ITFG1: variants seen among roughly 807,000 people sequenced by gnomAD.
ITFG1 encodes T-cell immunomodulatory protein.
A neutral mutation model predicts 81.8 loss-of-function variants in ITFG1; 34 were observed. The observed-to-expected ratio is 0.42, with a 90% CI of 0.32 to 0.55. The LOEUF (loss-of-function observed/expected upper bound fraction) is 0.55. ITFG1 is among the 20% of genes least tolerant of loss of function. The pLI is 0.17. For missense variants in ITFG1, 672 were observed against 755.4 expected (o/e 0.89, Z 1.29); for synonymous variants, 285 against 270.6 (o/e 1.05, Z -0.52).
At chr16:47,413,537 G>T (rs75999975) in intron 6 of ITFG1, among the ~76,000 whole-genome samples, 2 of 152,030 alleles carry the variant, frequency 1.3e-5, no homozygotes, top group Non-Finnish European at 2.9e-5. Flanking sequence ...TCTATAAAAC[G>T]TTTAAAAATT....
chr16:47,404,145 G>A, intron 6 of ITFG1, among the ~76,000 whole-genome samples: 1 of 152,056 alleles, frequency 6.6e-6, no homozygotes, highest in East Asian at 1.9e-4. Context: ...AAAGGGTTGG[G>A]GGCTAGTGCT....
rs114465463 is a variant in ITFG1, at chr16:47,302,805, T to A, written c.1070+8435A>T. On this transcript the variant is annotated intron_variant, in intron 10 of 17. Coordinates refer to ENST00000320640, the MANE Select transcript of ITFG1 (RefSeq NM_030790.5). ...GGCCTTTAAAGCAAATCTTTTTATA[T>A]CAAGTCTAATTCTCATGCCACTGTG... Among the ~76,000 whole-genome samples, 394 of 152,312 alleles carry A rather than the reference T, an allele frequency of 2.6e-3. 2 individuals carry two copies. Among genetic ancestry groups the A allele is most frequent in the African/African-American group, 9.2e-3 (382 of 41,572 alleles).
chr16:47,370,107 T>C (rs559053675), intron 7 of ITFG1, among the ~76,000 whole-genome samples: 1 of 152,142 alleles, frequency 6.6e-6, no homozygotes, highest in South Asian at 2.1e-4. Context: ...TCCAAAGTGC[T>C]GGGATTACAG....
chr16:47,385,931 T>C (rs1221531881), intron 6 of ITFG1, among the ~76,000 whole-genome samples: 1 of 152,180 alleles, frequency 6.6e-6, no homozygotes, highest in Non-Finnish European at 1.5e-5. Flanking sequence ...CAGACTAATC[T>C]ATAACATGGA....
At chr16:47,243,583 TAA>T (rs1274422708) in intron 12 of ITFG1, among the ~76,000 whole-genome samples, 2 of 152,154 alleles carry the variant, frequency 1.3e-5, no homozygotes, top group East Asian at 1.9e-4. Context: ...CACTGAGAGA[TAA>T]AAAGTGAAAT....
chr16:47,239,273 T>G (rs1193666030), intron 12 of ITFG1, among the ~76,000 whole-genome samples: 1 of 152,106 alleles, frequency 6.6e-6, no homozygotes, highest in African/African-American at 2.4e-5. Flanking sequence ...CGATCTTGGC[T>G]CACTGCAACC....
intron 14 of ITFG1, among the ~76,000 whole-genome samples, chr16:47,188,631 G>C (rs1596796002): frequency 1.9e-5 from 2 of 103,532 alleles, no homozygotes; most frequent in Admixed American, 1.1e-4. Flanking sequence ...GGGGAGGGGG[G>C]AGGGGGGAGG....
intron 14 of ITFG1, among the ~76,000 whole-genome samples, chr16:47,172,102 C>G (rs749367391): frequency 1.3e-5 from 2 of 152,198 alleles, no homozygotes; most frequent in African/African-American, 2.4e-5. Context: ...GACTGCCAGT[C>G]TCTGAACTCT....
At chr16:47,342,968 C>T (rs750317790) in intron 8 of ITFG1, among the ~76,000 whole-genome samples, 1 of 152,058 alleles carries the variant, frequency 6.6e-6, no homozygotes, top group Admixed American at 6.5e-5. Context: ...ATTTCAACAG[C>T]CTTTTTAGCA....
intron 14 of ITFG1, among the ~76,000 whole-genome samples, chr16:47,217,114 T>C (rs748882684): frequency 6.6e-6 from 1 of 150,882 alleles, no homozygotes; most frequent in African/African-American, 2.4e-5. Flanking sequence ...TGAACAGATA[T>C]GGAGAGATGT....
intron 6 of ITFG1, among the ~76,000 whole-genome samples, chr16:47,400,646 G>GA (rs1031577969): frequency 1.3e-5 from 2 of 152,078 alleles, no homozygotes; most frequent in Non-Finnish European, 2.9e-5. Context: ...GGGCTTCCCA[G>GA]AAAAAAGAGG....
intron 13 of ITFG1, among the ~76,000 whole-genome samples, chr16:47,232,782 A>C (rs1015809455): frequency 6.6e-5 from 10 of 151,860 alleles, no homozygotes; most frequent in African/African-American, 2.4e-4. Flanking sequence ...GCTCGGGTAC[A>C]GGTGCACACC....
chr16:47,212,936 C>G (rs1965581077), intron 14 of ITFG1, among the ~76,000 whole-genome samples: 1 of 152,014 alleles, frequency 6.6e-6, no homozygotes, highest in Admixed American at 6.6e-5. Context: ...TTATTTCCTT[C>G]CTCTTGTTTA....
chr16:47,187,156 G>T (rs998436566), intron 14 of ITFG1, among the ~76,000 whole-genome samples: 1 of 152,172 alleles, frequency 6.6e-6, no homozygotes, highest in African/African-American at 2.4e-5. Context: ...TGGGTAGGAA[G>T]AATAAATATT....
intron 17 of ITFG1, chr16:47,157,581 G>A (rs1964733255): frequency 6.6e-6 from 1 of 152,168 alleles, no homozygotes; most frequent in Non-Finnish European, 1.5e-5. Flanking sequence ...TCTTTCAGAT[G>A]ATATTCTGAT....
chr16:47,354,838 G>A (rs969859846), intron 8 of ITFG1, among the ~76,000 whole-genome samples: 7 of 151,970 alleles, frequency 4.6e-5, no homozygotes, highest in African/African-American at 1.4e-4. Flanking sequence ...AAATCACAAC[G>A]AGATATCTAT....
chr16:47,174,546 T>G (rs2151511062), intron 14 of ITFG1, among the ~76,000 whole-genome samples: 1 of 152,212 alleles, frequency 6.6e-6, no homozygotes, highest in African/African-American at 2.4e-5. Flanking sequence ...TTAGATAGAG[T>G]CTTGCTCTGT....
chr16:47,236,467 T>A, intron 13 of ITFG1, among the ~76,000 whole-genome samples: 1 of 106,780 alleles, frequency 9.4e-6, no homozygotes, highest in South Asian at 3.1e-4. Context: ...AGAGTGAGAC[T>A]CCATCTCAAA....
At chr16:47,457,403 T>G (rs1192205679) in intron 2 of ITFG1, among the ~76,000 whole-genome samples, 1 of 152,148 alleles carries the variant, frequency 6.6e-6, no homozygotes, top group Non-Finnish European at 1.5e-5. Flanking sequence ...TAAACAATGA[T>G]TACTAATTTA....
Sources: allele counts gnomAD v4.1 joint callset (sites outside exome capture counted in the v4.1 genomes callset), GRCh38; gene constraint gnomAD v4.1.1; transcripts MANE v1.5; gene names NCBI Gene and HGNC (gene_info 2026-07-23, HGNC 2026-07-21).